FGFR2: variants seen among roughly 807,000 people sequenced by gnomAD.
FGFR2 encodes fibroblast growth factor receptor 2.
In FGFR2, 19 loss-of-function variants were observed where a neutral mutation model predicts 95.9. The ratio of observed to expected loss-of-function variants is 0.20; its 90% CI spans 0.14 to 0.29. FGFR2 has a LOEUF of 0.29. FGFR2 is among the 10% of genes least tolerant of loss of function. The pLI is 1.00. For synonymous variants in FGFR2, 392 were observed against 393.3 expected (o/e 1.00, Z 0.04); for missense variants, 707 against 1,056.9 (o/e 0.67, Z 4.59).
At chr10:121,555,171 G>C (rs904581961) in intron 4 of FGFR2, among the ~76,000 whole-genome samples, 5 of 152,140 alleles carry the variant, frequency 3.3e-5, no homozygotes, top group African/African-American at 9.7e-5. Flanking sequence ...TCAGGAGTCC[G>C]AGACCAGCCT....
chr10:121,562,404 C>T (rs886920938), intron 4 of FGFR2, among the ~76,000 whole-genome samples: 2 of 152,020 alleles, frequency 1.3e-5, no homozygotes, highest in African/African-American at 4.8e-5. Context: ...CATGCCTCAG[C>T]CTCCCGAGTA....
At position 121,564,486 on chromosome 10, in the gene FGFR2, C is replaced by T. The variant is rs781629662; in HGVS notation, c.454+16G>A. On this transcript the variant is annotated intron_variant, in intron 4 of 17. Transcript: ENST00000358487. Reference sequence around the variant, plus strand: ...GCTCCTCTCTCGGGGACCATCGGAGCCGGGCAGTTACTTACTCTTGTTGTT... The same window carrying T: ...GCTCCTCTCTCGGGGACCATCGGAGTCGGGCAGTTACTTACTCTTGTTGTT... The T allele has an allele frequency of 1.2e-6, 2 of 1,611,488 alleles. No homozygotes were observed. Among genetic ancestry groups the T allele is most frequent in the Admixed American group, 1.7e-5 (1 of 60,012 alleles).
Position 121,515,252 on chromosome 10 carries a change from C to G in FGFR2, c.1152G>C (p.Gly384=), listed in dbSNP as rs772014466. ...CCACCATACAGGCGATTAAGAAGAC[C>G]CCTATGCAGTAAATGGCTATCTCCA... ...DYLEIAIYCI[G]VFLIACMVVT... Residue 384 remains glycine, a synonymous_variant, in exon 9 of 18, where the codon GGG becomes GGC. Transcript: ENST00000358487. 6.2e-7 allele frequency: 1 copy of G among 1,614,074 alleles called. No homozygotes were observed.
At chr10:121,527,001 G>A (rs1310437030) in intron 6 of FGFR2, 2 of 367,002 alleles carry the variant, frequency 5.4e-6, no homozygotes, top group African/African-American at 2.1e-5. Context: ...CCTCCCTCCA[G>A]CACTAAAGTC....
intron 10 of FGFR2, 118 bp from the exon 11 acceptor site, chr10:121,501,065 A>G (rs1415025292): frequency 2.8e-6 from 4 of 1,413,540 alleles, no homozygotes; most frequent in Admixed American, 3.7e-5. Flanking sequence ...AGTGCTTATC[A>G]TATGGAACTA....
chr10:121,554,543 GGGTTTCACCGTTTTAGCCA>G (rs1392774179), intron 4 of FGFR2, among the ~76,000 whole-genome samples: 150 of 124,834 alleles, frequency 1.2e-3, no homozygotes, highest in African/African-American at 6.9e-3. Context: ...AGTAGAGACA[GGGTTTCACCGTTTTAGCCA>G]GGGTTTCACC....
chr10:121,481,931 G>A (rs773483369), intron 17 of FGFR2: 15 of 288,586 alleles, frequency 5.2e-5, no homozygotes, highest in Middle Eastern at 1.0e-3. Context: ...CCGCCTCCCC[G>A]GTTCAAGTGA....
chr10:121,493,569 G>A (rs781186055), intron 13 of FGFR2, among the ~76,000 whole-genome samples: 19 of 152,164 alleles, frequency 1.2e-4, no homozygotes, highest in Admixed American at 7.2e-4. Flanking sequence ...TGCCTGCTCG[G>A]CCTCCGCTGC....
intron 17 of FGFR2, among the ~76,000 whole-genome samples, chr10:121,480,910 C>T (rs946161872): frequency 6.7e-5 from 10 of 148,922 alleles, no homozygotes; most frequent in Non-Finnish European, 1.3e-4. Context: ...CATTGGTAAG[C>T]GGTTGAAAAA....
chr10:121,571,369 G>C (rs1164501301), intron 2 of FGFR2, among the ~76,000 whole-genome samples: 1 of 139,246 alleles, frequency 7.2e-6, no homozygotes, highest in Non-Finnish European at 1.5e-5. Flanking sequence ...TGCGATCTCG[G>C]CTCACTGCAA....
At chr10:121,480,344 T>C in intron 17 of FGFR2, 2 of 444,346 alleles carry the variant, frequency 4.5e-6, no homozygotes, top group East Asian at 4.0e-5. Flanking sequence ...TAAAACCTAG[T>C]TGAGCTATAG....
chr10:121,509,778 C>T (rs1224481032), intron 9 of FGFR2, among the ~76,000 whole-genome samples: 3 of 151,822 alleles, frequency 2.0e-5, no homozygotes, highest in Admixed American at 2.0e-4. Context: ...CCACTGCGCC[C>T]GGTCTAACAG....
rs368941644 is a variant in FGFR2, at chr10:121,534,121, C to T, written c.748+4471G>A. Among the ~76,000 whole-genome samples the T allele has an allele frequency of 3.1e-3, 307 of 99,964 alleles. 1 individual carries two copies. Among genetic ancestry groups the T allele is most frequent in the African/African-American group, 0.013 (269 of 20,648 alleles). The allele number at this position is 99,964 out of a possible 152,430, so 65.6% of individuals were successfully genotyped here. A position where few individuals can be genotyped will look rare whatever the true frequency, so the allele number is the denominator to read the frequency against. ...TTTTTTTTTTTTTTTTTTTTTGAGA[C>T]GGAGTCTCACTTTGTCGCCCAGGCT... On this transcript the variant is annotated intron_variant, in intron 6 of 17. Coordinates refer to ENST00000358487, the MANE Select transcript of FGFR2 (RefSeq NM_000141.5).
Position 121,564,723 on chromosome 10 carries a change from A to G in FGFR2, c.377-144T>C, listed in dbSNP as rs1027240171. On this transcript the variant is annotated intron_variant, in intron 3 of 17. Transcript: ENST00000358487. Reference sequence around the variant, plus strand: ...GCCTGGGATTGTTTTCAGTTAAGATAGTTTTAATGGCTTAAATTTTCCCTC... The same window carrying G: ...GCCTGGGATTGTTTTCAGTTAAGATGGTTTTAATGGCTTAAATTTTCCCTC... 3 of 727,458 alleles carry G rather than the reference A, an allele frequency of 4.1e-6. No individual in the cohort carries two copies. In the African/African-American group the frequency reaches 5.2e-5, roughly 13 times the overall value. 45.1% of individuals were successfully genotyped at this position (727,458 alleles called of 1,614,324 possible). A position where few individuals can be genotyped will look rare whatever the true frequency, so the allele number is the denominator to read the frequency against.
chr10:121,553,581 C>A (rs1346441502), intron 4 of FGFR2, among the ~76,000 whole-genome samples: 3 of 152,214 alleles, frequency 2.0e-5, no homozygotes, highest in Non-Finnish European at 1.5e-5. Flanking sequence ...CAAATCTAAC[C>A]TAAATGAAAA....
In FGFR2 at chr10:121,531,637, A is replaced by C. The variant is rs951484030; in HGVS notation, c.748+6955T>G. ...CCTCTCCTACCACCTCCTCCTCCCC[A>C]TAGTGCTACAAGGAAACAGTCATCA... On this transcript the variant is annotated intron_variant, in intron 6 of 17. Coordinates refer to ENST00000358487, the MANE Select transcript of FGFR2 (RefSeq NM_000141.5). The surrounding 1 kb of genome is among the most constrained non-coding windows in gnomAD (Gnocchi z 4.5). Among the ~76,000 whole-genome samples, 2 of 152,088 alleles carry C rather than the reference A, an allele frequency of 1.3e-5. No individual in the cohort carries two copies. Among genetic ancestry groups the C allele is most frequent in the African/African-American group, 2.4e-5 (1 of 41,416 alleles).
chr10:121,489,842 C>G (rs1345766127), intron 13 of FGFR2, among the ~76,000 whole-genome samples: 3 of 152,188 alleles, frequency 2.0e-5, no homozygotes, highest in African/African-American at 7.2e-5. Context: ...GCCCCTCCCC[C>G]TGAGACTTCC....
chr10:121,500,802 C>T (rs377043506), intron 11 of FGFR2, 24 bp downstream of exon 11: 15 of 1,612,928 alleles, frequency 9.3e-6, no homozygotes, highest in African/African-American at 4.0e-5. Context: ...AGCCCCTCCC[C>T]GAGCCTCCCG....
At chr10:121,527,590 C>T (rs1851546422) in intron 6 of FGFR2, 1 of 151,914 alleles carries the variant, frequency 6.6e-6, no homozygotes, top group African/African-American at 2.4e-5. Flanking sequence ...TATTTTACCA[C>T]AATTTTTTTT....
Sources: gnomAD v4.1 joint callset for allele counts (sites outside exome capture counted in the v4.1 genomes callset) on GRCh38, gnomAD v4.1.1 for gene constraint, Gnocchi (gnomAD v3.1) non-coding constraint, MANE v1.5 for transcripts, NCBI Gene and HGNC (gene_info 2026-07-23, HGNC 2026-07-21) for gene names.